Variants in FCRLB observed in about 807,000 individuals in gnomAD.
The protein encoded by FCRLB is Fc receptor-like B.
Under a neutral mutation model 33.6 loss-of-function variants are expected in FCRLB, and 34 were observed. The ratio of observed to expected loss-of-function variants is 1.01; its 90% CI spans 0.77 to 1.35. The LOEUF (loss-of-function observed/expected upper bound fraction) is 1.35, where lower values mean the gene tolerates loss of function less well. Among genes scored for constraint, FCRLB ranks in the 40% most tolerant of loss-of-function variants. FCRLB has a pLI of 0.00. For synonymous variants in FCRLB, 280 were observed against 255.9 expected (o/e 1.09, Z -0.90); for missense variants, 560 against 580.2 (o/e 0.97, Z 0.36).
chr1:161,722,965 T>C, intron 3 of FCRLB, 24 bp from the exon 4 acceptor site: 1 of 1,613,416 alleles, frequency 6.2e-7, no homozygotes, highest in Non-Finnish European at 8.5e-7. Context: ...TTCTCCTTCC[T>C]CTTCCTTCTT....
exon 8 of FCRLB, chr1:161,727,446 T>C (rs1476606684): frequency 6.2e-7 from 1 of 1,613,396 alleles, no homozygotes; most frequent in South Asian, 1.1e-5. Context: ...CCGCCTGCGC[T>C]CCGCCGACGC....
Position 161,726,187 on chromosome 1 carries a change from T to C in FCRLB, c.574+100T>C, listed in dbSNP as rs758010851. On this transcript the variant is annotated intron_variant, in intron 6 of 7. Coordinates refer to ENST00000367948, the Ensembl canonical transcript of FCRLB. This position sits in a 1 kb window ranked among gnomAD's most constrained non-coding sequence, Gnocchi z 5.2. ...AAGAAGGGGCGGAAGTTCAAATAGC[T>C]GCCACTTGGAGGGTTTCTCTTAGAC... 6.3e-6 allele frequency: 10 copies of C among 1,577,492 alleles called. No homozygotes were observed. The highest frequency in any genetic ancestry group is 8.7e-6 in the Non-Finnish European group (10 of 1,154,968).
intron 2 of FCRLB, among the ~76,000 whole-genome samples, 194 bp downstream of exon 2, chr1:161,722,044 AAC>A (rs1490797773): frequency 3.3e-5 from 5 of 152,178 alleles, no homozygotes; most frequent in Non-Finnish European, 7.3e-5. Flanking sequence ...AGGAAGAAGA[AAC>A]ACATTGCATT....
In FCRLB at chr1:161,726,991, C is replaced by T; in HGVS notation, c.863C>T (p.Pro288Leu). Residue 288 changes from proline to leucine, a missense_variant and splice_region_variant, in exon 7 of 8, where the codon CCG becomes CTG. By Grantham distance (98) the Pro-to-Leu change is moderately conservative. Transcript: ENST00000367948. The surrounding 1 kb of genome is among the most constrained non-coding windows in gnomAD (Gnocchi z 5.2). ...AGTCCGTGGCTGCAGCTCCCGGGGC[C>T]GGGTGAGTGCCTGCACACCCTCCCG... 6.6e-7 allele frequency: 1 copy of T among 1,518,088 alleles called. No individual in the cohort carries two copies. 94.0% of individuals were successfully genotyped at this position (1,518,088 alleles called of 1,614,324 possible).
Position 161,726,680 on chromosome 1 carries a change from G to C in FCRLB, c.575-23G>C. 1 of 1,575,904 alleles carries C rather than the reference G, an allele frequency of 6.3e-7. No homozygotes were observed. The highest frequency in any genetic ancestry group is 1.3e-5 in the African/African-American group (1 of 74,524). ...GCGGAGCGGTGGACAAGCCGGCGCC[G>C]TTGCTCCCCGCCCTCTCCGTAGAGC... On this transcript the variant is annotated intron_variant, in intron 6 of 7. Coordinates refer to ENST00000367948, the Ensembl canonical transcript of FCRLB. The surrounding 1 kb of genome is among the most constrained non-coding windows in gnomAD (Gnocchi z 5.2).
rs766810620 is a variant in FCRLB, at chr1:161,726,407, G to T, written c.575-296G>T. On this transcript the variant is annotated intron_variant, in intron 6 of 7. Coordinates refer to ENST00000367948, the Ensembl canonical transcript of FCRLB. The surrounding 1 kb of genome is among the most constrained non-coding windows in gnomAD (Gnocchi z 5.2). Reference sequence around the variant, plus strand: ...GAGCGACTCCCTAGCGTCCTGCAAGGCAGGCGCAGCGTCTCCTATTCTAGG... The same window carrying T: ...GAGCGACTCCCTAGCGTCCTGCAAGTCAGGCGCAGCGTCTCCTATTCTAGG... The T allele has an allele frequency of 4.3e-5, 31 of 717,728 alleles. No homozygotes were observed. The highest frequency in any genetic ancestry group is 6.0e-5 in the Non-Finnish European group (24 of 400,882). 44.5% of individuals were successfully genotyped at this position (717,728 alleles called of 1,614,324 possible). A position where few individuals can be genotyped will look rare whatever the true frequency, so the allele number is the denominator to read the frequency against.
exon 5 of FCRLB, chr1:161,723,420 A>G (rs780947432): frequency 6.2e-7 from 1 of 1,614,102 alleles, no homozygotes; most frequent in South Asian, 1.1e-5. Flanking sequence ...CACCATCTTC[A>G]AAGGGGAGCG....
At chr1:161,722,806 T>C in intron 3 of FCRLB, 103 bp downstream of exon 3, 1 of 1,530,152 alleles carries the variant, frequency 6.5e-7, no homozygotes, top group Non-Finnish European at 8.9e-7. Context: ...AGTTTCCAAG[T>C]GGTTCATTAT....
In FCRLB at chr1:161,726,370, A is replaced by G. The variant is rs1683561491; in HGVS notation, c.574+283A>G. 1.4e-6 allele frequency: 1 copy of G among 727,646 alleles called. No individual in the cohort carries two copies. The highest frequency in any genetic ancestry group is 2.3e-4 in the Middle Eastern group (1 of 4,388). 45.1% of individuals were successfully genotyped at this position (727,646 alleles called of 1,614,324 possible). ...TGGCAGGGGCAGGGGCCACTGTGGG[A>G]CTGGGACGAAGGAGCGACTCCCTAG... On this transcript the variant is annotated intron_variant, in intron 6 of 7. Coordinates refer to ENST00000367948, the Ensembl canonical transcript of FCRLB. This position sits in a 1 kb window ranked among gnomAD's most constrained non-coding sequence, Gnocchi z 5.2.
At chr1:161,722,027 G>T (rs1046369448) in intron 2 of FCRLB, among the ~76,000 whole-genome samples, 177 bp downstream of exon 2, 1 of 152,188 alleles carries the variant, frequency 6.6e-6, no homozygotes, top group African/African-American at 2.4e-5. Flanking sequence ...CAAGATTTCA[G>T]GAAGGGAGGA....
At chr1:161,723,457 A>T (rs1305035847) in exon 5 of FCRLB, 2 of 1,614,018 alleles carry the variant, frequency 1.2e-6, no homozygotes, top group Non-Finnish European at 1.7e-6. Context: ...GATGGATACC[A>T]CCCACTGCTC....
Position 161,727,625 on chromosome 1 carries a change from G to GC in FCRLB, c.1247dup (p.Thr418AsnfsTer49). On this transcript the variant is annotated frameshift_variant, in exon 8 of 8. Coordinates refer to ENST00000367948, the Ensembl canonical transcript of FCRLB. LOFTEE classifies it high-confidence loss of function. ...ACCCCCACCTCTCACTTTGCTGTGA[G>GC]CCCGGGAACCCCAGAGACCACTCCT... The GC allele has an allele frequency of 6.2e-7, 1 of 1,613,812 alleles. No homozygotes were observed. Among genetic ancestry groups the GC allele is most frequent in the Non-Finnish European group, 8.5e-7 (1 of 1,179,740 alleles).
intron 5 of FCRLB, among the ~76,000 whole-genome samples, chr1:161,724,147 GA>G (rs1228100642): frequency 2.6e-5 from 4 of 152,070 alleles, no homozygotes; most frequent in African/African-American, 9.7e-5. Flanking sequence ...ATTTGCTAAA[GA>G]AAAAAAGCAG....
exon 8 of FCRLB, chr1:161,727,577 G>A (rs752827894): frequency 8.1e-6 from 13 of 1,614,036 alleles, no homozygotes; most frequent in Admixed American, 3.3e-5. Context: ...CAGGCCCTCC[G>A]GGAGCTCAGG....
chr1:161,727,525 A>G (rs1192568400), exon 8 of FCRLB: 1 of 1,614,078 alleles, frequency 6.2e-7, no homozygotes, highest in Non-Finnish European at 8.5e-7. Flanking sequence ...GCAGCTGCTC[A>G]AAGGCCTTCT....
chr1:161,722,743 G>A lies in FCRLB; in HGVS notation c.31+40G>A, dbSNP rs866651928. 2.5e-6 allele frequency: 4 copies of A among 1,612,372 alleles called. No individual in the cohort carries two copies. In the Middle Eastern group the frequency reaches 5.0e-4, roughly 200 times the overall value. On this transcript the variant is annotated intron_variant, in intron 3 of 7. Coordinates refer to ENST00000367948, the Ensembl canonical transcript of FCRLB. ...AGGCAGCAGAAGAGCTTTGGGTGGTGGAGAATAGGGTGGACCAAGGTATGG... is the reference window on the plus strand; with the variant it reads ...AGGCAGCAGAAGAGCTTTGGGTGGTAGAGAATAGGGTGGACCAAGGTATGG...
intron 5 of FCRLB, among the ~76,000 whole-genome samples, chr1:161,724,321 G>A (rs1389279605): frequency 6.6e-6 from 1 of 151,934 alleles, no homozygotes; most frequent in Non-Finnish European, 1.5e-5. Flanking sequence ...TGGGCACGGT[G>A]GCTCAAGCCT....
chr1:161,723,296 G>A (rs1308804700), intron 4 of FCRLB, 71 bp from the exon 5 acceptor site: 8 of 1,565,858 alleles, frequency 5.1e-6, no homozygotes, highest in African/African-American at 1.4e-5. Context: ...CCAAACTCAG[G>A]TCGTTTCTTT....
At chr1:161,725,740 A>G in intron 5 of FCRLB, 81 bp from the exon 6 acceptor site, 1 of 1,499,966 alleles carries the variant, frequency 6.7e-7, no homozygotes, top group Non-Finnish European at 8.9e-7. Flanking sequence ...TAAGAGGAGA[A>G]AGCTGGAAGG....
Sources: allele counts gnomAD v4.1 joint callset (sites outside exome capture counted in the v4.1 genomes callset), GRCh38; gene constraint gnomAD v4.1.1; non-coding constraint Gnocchi (gnomAD v3.1); transcripts MANE v1.5; gene names NCBI Gene and HGNC (gene_info 2026-07-23, HGNC 2026-07-21).